The following ACER3 variants were observed in gnomAD, a reference collection of about 807,000 sequenced individuals.
ACER3 encodes the protein alkCDase 3.
In ACER3, 16 loss-of-function variants were observed where a neutral mutation model predicts 48.9. That is an observed-to-expected ratio of 0.33 (90% confidence interval 0.22 to 0.50). The LOEUF (loss-of-function observed/expected upper bound fraction) is 0.50. Among genes scored for constraint, ACER3 ranks in the 20% least tolerant of loss-of-function variants. The pLI is 0.98. For missense variants in ACER3, 227 were observed against 326.0 expected, an observed-to-expected ratio of 0.70 and a Z score of 2.34; for synonymous variants, 109 against 107.8, an observed-to-expected ratio of 1.01 and a Z score of -0.07.
chr11:77,000,626 T>C (rs1465446581), intron 7 of ACER3, among the ~76,000 whole-genome samples: 1 of 152,242 alleles, frequency 6.6e-6, no homozygotes, highest in East Asian at 1.9e-4. Context: ...GTTTTTTCCA[T>C]GTGGATGTCC....
intron 7 of ACER3, among the ~76,000 whole-genome samples, chr11:77,005,760 G>A (rs1949122221): frequency 6.6e-6 from 1 of 151,104 alleles, no homozygotes. Flanking sequence ...ATTGGAGTAG[G>A]GCCCACCCTA....
chr11:76,929,004 A>G (rs572465896), intron 2 of ACER3, among the ~76,000 whole-genome samples: 1 of 152,130 alleles, frequency 6.6e-6, no homozygotes, highest in Admixed American at 6.5e-5. Context: ...GAAGAAAGTC[A>G]TTGGTAGCTT....
At chr11:76,992,560 C>T (rs1948824794) in intron 6 of ACER3, among the ~76,000 whole-genome samples, 1 of 152,158 alleles carries the variant, frequency 6.6e-6, no homozygotes, top group Non-Finnish European at 1.5e-5. Context: ...CCCACTGTGG[C>T]TTGTGTCCTA....
chr11:76,911,362 T>C (rs1313644197), intron 1 of ACER3, among the ~76,000 whole-genome samples: 1 of 152,162 alleles, frequency 6.6e-6, no homozygotes, highest in Non-Finnish European at 1.5e-5. Flanking sequence ...GTCGTGGCAC[T>C]GGTGGGAGTG....
In ACER3 at chr11:76,915,439, C is replaced by A. The variant is rs980408921; in HGVS notation, c.104-11118C>A. 5.3e-5 allele frequency among the ~76,000 whole-genome samples: 8 copies of A among 151,718 alleles called. No individual in the cohort carries two copies. In the East Asian group the frequency reaches 1.2e-3, roughly 22 times the overall value. ...TCCCTTTTCTGGTGGAGCGTACCCA[C>A]CCCCCCGAGATCGTACTTCACCATT... is the stretch of plus-strand genomic sequence containing the variant. On this transcript the variant is annotated intron_variant, in intron 1 of 10. Transcript: ENST00000532485.
intron 2 of ACER3, 32 bp downstream of exon 2, chr11:76,926,699 C>CAGTA: frequency 7.2e-7 from 1 of 1,397,690 alleles, no homozygotes; most frequent in Non-Finnish European, 1.0e-6. Context: ...AAGAAATGTA[C>CAGTA]AGTATTCAAA....
intron 1 of ACER3, among the ~76,000 whole-genome samples, chr11:76,861,702 T>C (rs1944944799): frequency 6.6e-6 from 1 of 152,160 alleles, no homozygotes; most frequent in South Asian, 2.1e-4. Flanking sequence ...TATTCAACTG[T>C]CATCTTGCAC....
chr11:76,937,694 G>A (rs1436730813), intron 2 of ACER3, among the ~76,000 whole-genome samples: 1 of 152,084 alleles, frequency 6.6e-6, no homozygotes, highest in South Asian at 2.1e-4. Context: ...TAATGAAACT[G>A]TCTACTGCAG....
chr11:76,935,811 C>T (rs1393688019), intron 2 of ACER3, among the ~76,000 whole-genome samples: 1 of 152,156 alleles, frequency 6.6e-6, no homozygotes, highest in Non-Finnish European at 1.5e-5. Flanking sequence ...ATGTAAAATT[C>T]AGTTCCTTTG....
chr11:76,971,917 G>A (rs1213378310), intron 3 of ACER3, among the ~76,000 whole-genome samples: 3 of 151,998 alleles, frequency 2.0e-5, no homozygotes, highest in Admixed American at 6.6e-5. Flanking sequence ...GGGGTGGGGG[G>A]TGGTTCAAAG....
At chr11:76,958,684 G>T in intron 2 of ACER3, 1 of 404,474 alleles carries the variant, frequency 2.5e-6, no homozygotes. Flanking sequence ...CCAGCTATGT[G>T]CATTAAAACT....
intron 1 of ACER3, among the ~76,000 whole-genome samples, chr11:76,903,030 T>C (rs1301197227): frequency 6.6e-6 from 1 of 152,236 alleles, no homozygotes; most frequent in Non-Finnish European, 1.5e-5. Context: ...TATATGTTAG[T>C]AAATGATAAA....
chr11:76,992,665 C>T (rs945558844), intron 6 of ACER3, among the ~76,000 whole-genome samples: 1 of 152,168 alleles, frequency 6.6e-6, no homozygotes, highest in Admixed American at 6.5e-5. Flanking sequence ...GACATTCTTT[C>T]ATTCAACAGA....
intron 1 of ACER3, among the ~76,000 whole-genome samples, chr11:76,923,085 G>A (rs550509477): frequency 1.3e-5 from 2 of 151,096 alleles, no homozygotes; most frequent in South Asian, 2.1e-4. Context: ...AAACCAGAAG[G>A]CAATGTTCTT....
At chr11:76,970,826 C>T (rs1455804624) in intron 3 of ACER3, among the ~76,000 whole-genome samples, 2 of 152,028 alleles carry the variant, frequency 1.3e-5, no homozygotes, top group African/African-American at 2.4e-5. Flanking sequence ...ACTATCTAAT[C>T]CCACAACATT....
Position 76,860,934 on chromosome 11 carries a change from G to A in ACER3, c.-43G>A. ...GCCGGCCTGGTCGCCAGCCTAACCC[G>A]GCACAGTGAGCGGAGCGCCTGGGCG... On this transcript the variant is annotated 5_prime_UTR_variant, in exon 1 of 11. Transcript: ENST00000532485. 2.8e-6 allele frequency: 4 copies of A among 1,442,014 alleles called. No individual in the cohort carries two copies. The highest frequency in any genetic ancestry group is 2.5e-5 in the South Asian group (2 of 79,356). The allele number at this position is 1,442,014 out of a possible 1,614,324, so 89.3% of individuals were successfully genotyped here.
At chr11:76,971,727 G>A (rs1055206524) in intron 3 of ACER3, among the ~76,000 whole-genome samples, 1 of 152,292 alleles carries the variant, frequency 6.6e-6, no homozygotes, top group Non-Finnish European at 1.5e-5. Context: ...ATGGTAGCAA[G>A]ACTGGTTATA....
chr11:76,868,785 A>G (rs538829360), intron 1 of ACER3, among the ~76,000 whole-genome samples: 30 of 152,342 alleles, frequency 2.0e-4, no homozygotes, highest in Admixed American at 1.0e-3. Flanking sequence ...TCATGCTTCA[A>G]TCATGCCTAT....
rs536503458 is a variant in ACER3, at chr11:76,996,997, A to T, written c.439-1766A>T. ...TGCCTTGGGCTCCCAAAGTGCTGGG[A>T]TTACAGGCGTGAGCCACCACACCCG... On this transcript the variant is annotated intron_variant, in intron 6 of 10. Transcript: ENST00000532485. Among the ~76,000 whole-genome samples, 4 of 152,276 alleles carry T rather than the reference A, an allele frequency of 2.6e-5. No homozygotes were observed. In the East Asian group the frequency reaches 5.8e-4, roughly 22 times the overall value.
Sources: gnomAD v4.1 joint callset for allele counts (sites outside exome capture counted in the v4.1 genomes callset) on GRCh38, gnomAD v4.1.1 for gene constraint, MANE v1.5 for transcripts, NCBI Gene and HGNC (gene_info 2026-07-23, HGNC 2026-07-21) for gene names.